INVS: variants seen among roughly 807,000 people sequenced by gnomAD.
The protein encoded by INVS is inversin, also known as inversion of embryo turning homolog.
A neutral mutation model predicts 108.8 loss-of-function variants in INVS; 86 were observed. The observed-to-expected ratio is 0.79, with a 90% CI of 0.66 to 0.95. The LOEUF (loss-of-function observed/expected upper bound fraction) is 0.95, where lower values mean the gene tolerates loss of function less well. Among genes scored for constraint, INVS ranks in the 40% least tolerant of loss-of-function variants. The pLI is 0.00. For synonymous variants in INVS, 455 were observed against 473.5 expected (o/e 0.96, Z 0.51); for missense variants, 1,169 against 1,297.4 (o/e 0.90, Z 1.52).
intron 2 of INVS, among the ~76,000 whole-genome samples, chr9:100,105,850 C>CTTT (rs543070811): frequency 0.013 from 845 of 63,822 alleles, 30 homozygotes; most frequent in East Asian, 0.092. Flanking sequence ...GAAAAATTCC[C>CTTT]TTTTTTTTTT....
chr9:100,168,765 C>G (rs1417021192), intron 3 of INVS, among the ~76,000 whole-genome samples: 1 of 152,180 alleles, frequency 6.6e-6, no homozygotes, highest in Non-Finnish European at 1.5e-5. Context: ...GAAGTTGATT[C>G]AGCTAACATA....
chr9:100,157,267 C>CTTTTTTTTTTTTTTTTTTTTTTT (rs770493291), intron 3 of INVS, among the ~76,000 whole-genome samples: 2 of 130,098 alleles, frequency 1.5e-5, no homozygotes, highest in African/African-American at 6.6e-5. Flanking sequence ...TCTTTTTTTT[C>CTTTTTTTTTTTTTTTTTTTTTTT]TTTTTTTTTT....
In INVS at chr9:100,273,082, T is replaced by G; in HGVS notation, c.1784+6T>G. The G allele has an allele frequency of 6.2e-7, 1 of 1,612,448 alleles. No individual in the cohort carries two copies. The highest frequency in any genetic ancestry group is 1.1e-5 in the South Asian group (1 of 91,008). ...AGAAAAGATGCTGCTGCCAAGTAAG[T>G]ATGAGCTACGCAGATTGCGTTTTCG... On this transcript the variant is annotated splice_donor_region_variant and intron_variant, in intron 12 of 16. Coordinates refer to ENST00000262457, the MANE Select transcript of INVS (RefSeq NM_014425.5).
intron 3 of INVS, among the ~76,000 whole-genome samples, chr9:100,154,359 T>TTTC (rs1828904047): frequency 2.1e-5 from 3 of 141,224 alleles, no homozygotes; most frequent in Admixed American, 7.1e-5. Flanking sequence ...TTTTTTTTTT[T>TTTC]GTAGAGATGG....
chr9:100,120,861 G>C (rs1315938873), intron 2 of INVS: 1 of 152,154 alleles, frequency 6.6e-6, no homozygotes, highest in Non-Finnish European at 1.5e-5. Flanking sequence ...CATTTGTGAA[G>C]ACTTTGGGAT....
At chr9:100,194,285 T>C (rs1830310997) in intron 3 of INVS, among the ~76,000 whole-genome samples, 2 of 152,230 alleles carry the variant, frequency 1.3e-5, no homozygotes, top group Admixed American at 1.3e-4. Context: ...TAAAGCCATT[T>C]ATTCCATTTA....
chr9:100,101,083 C>G (rs189877236), intron 1 of INVS, among the ~76,000 whole-genome samples: 14 of 122,536 alleles, frequency 1.1e-4, no homozygotes, highest in African/African-American at 3.8e-4. Flanking sequence ...TACACACACA[C>G]ACATATATAT....
intron 13 of INVS, among the ~76,000 whole-genome samples, chr9:100,286,914 T>C (rs965008949): frequency 2.0e-5 from 3 of 152,246 alleles, no homozygotes; most frequent in Non-Finnish European, 4.4e-5. Context: ...TTATTACTGG[T>C]TTACTTGTCA....
At chr9:100,169,314 T>G (rs577035204) in intron 3 of INVS, among the ~76,000 whole-genome samples, 6 of 152,288 alleles carry the variant, frequency 3.9e-5, no homozygotes, top group African/African-American at 1.4e-4. Flanking sequence ...TCCCAAAATG[T>G]TTTTGTATAT....
At chr9:100,192,067 G>C (rs1830238746) in intron 3 of INVS, among the ~76,000 whole-genome samples, 1 of 152,014 alleles carries the variant, frequency 6.6e-6, no homozygotes, top group South Asian at 2.1e-4. Context: ...TGGCTCACAG[G>C]GTAGACCGCA....
intron 3 of INVS, chr9:100,175,758 G>T: frequency 4.7e-6 from 3 of 632,386 alleles, no homozygotes; most frequent in South Asian, 4.2e-5. Context: ...TTCGGCCTGG[G>T]GCAACCAGAC....
chr9:100,272,171 T>A (rs1832977543), intron 11 of INVS, among the ~76,000 whole-genome samples: 3 of 152,192 alleles, frequency 2.0e-5, no homozygotes, highest in African/African-American at 7.2e-5. Flanking sequence ...CCCAGCCCTT[T>A]TATGGTTTCT....
intron 3 of INVS, among the ~76,000 whole-genome samples, chr9:100,159,140 T>G (rs891627717): frequency 1.3e-5 from 2 of 152,122 alleles, no homozygotes; most frequent in Non-Finnish European, 2.9e-5. Flanking sequence ...AAAATACAAA[T>G]GGACTAAGAC....
chr9:100,202,671 G>A (rs549944697), intron 3 of INVS, among the ~76,000 whole-genome samples: 20 of 152,004 alleles, frequency 1.3e-4, no homozygotes, highest in African/African-American at 4.6e-4. Flanking sequence ...TACTTATTTT[G>A]GGGGCCTTCA....
At chr9:100,265,454 T>C (rs940811235) in intron 11 of INVS, among the ~76,000 whole-genome samples, 3 of 152,234 alleles carry the variant, frequency 2.0e-5, no homozygotes, top group Non-Finnish European at 2.9e-5. Flanking sequence ...CAGAATTTCA[T>C]CTATTGCCTA....
chr9:100,270,481 A>G (rs1832916998), intron 11 of INVS, among the ~76,000 whole-genome samples: 1 of 152,052 alleles, frequency 6.6e-6, no homozygotes, highest in Non-Finnish European at 1.5e-5. Context: ...GCAGTGGCTC[A>G]TGCCTGTAAT....
chr9:100,144,400 T>C (rs1386644935), intron 3 of INVS, among the ~76,000 whole-genome samples: 1 of 152,150 alleles, frequency 6.6e-6, no homozygotes, highest in East Asian at 1.9e-4. Flanking sequence ...GGTAATCAAA[T>C]GTATATTGAG....
At chr9:100,186,308 C>A (rs1830054936) in intron 3 of INVS, among the ~76,000 whole-genome samples, 1 of 152,100 alleles carries the variant, frequency 6.6e-6, no homozygotes, top group African/African-American at 2.4e-5. Flanking sequence ...CACCACCACG[C>A]CTGGCTAATT....
At chr9:100,158,931 C>G (rs1357246746) in intron 3 of INVS, among the ~76,000 whole-genome samples, 1 of 152,120 alleles carries the variant, frequency 6.6e-6, no homozygotes, top group Non-Finnish European at 1.5e-5. Flanking sequence ...CCCGTTCTCT[C>G]TCTCCCTCTC....
Sources: gnomAD v4.1 joint callset for allele counts (sites outside exome capture counted in the v4.1 genomes callset) on GRCh38, gnomAD v4.1.1 for gene constraint, MANE v1.5 for transcripts, NCBI Gene and HGNC (gene_info 2026-07-23, HGNC 2026-07-21) for gene names.